SDE2: variants seen among roughly 807,000 people sequenced by gnomAD.
The protein encoded by SDE2 is spliceosome associated SDE2, also known as splicing regulator SDE2.
In SDE2, 31 loss-of-function variants were observed where a neutral mutation model predicts 46.9. That is an observed-to-expected ratio of 0.66 (90% CI 0.50 to 0.89). The LOEUF is 0.89. Ranked by LOEUF, SDE2 falls within the 40% of genes least tolerant of loss-of-function variation. The pLI, the probability that SDE2 is intolerant of heterozygous loss-of-function variation, is 0.00. For missense variants in SDE2, 542 were observed against 564.4 expected (o/e 0.96, Z 0.40); for synonymous variants, 205 against 204.3 (o/e 1.00, Z -0.03).
Position 225,991,260 on chromosome 1 carries a change from TC to T in SDE2, c.623del (p.Gly208GlufsTer13), listed in dbSNP as rs1176615426. The part of the protein sequence containing the change: ...KSQTDRGASA[G>X]KRRCFWLGME... ...ACACTTACCAGAAGCATCTCCTCTT[TC>T]CCGCACTGGCTCCTCTGTCTGTTTG... On this transcript the variant is annotated frameshift_variant, in exon 5 of 7. Transcript: ENST00000272091. LOFTEE classifies it high-confidence loss of function. The T allele has an allele frequency of 1.2e-6, 2 of 1,613,954 alleles. No individual in the cohort carries two copies. Among genetic ancestry groups the T allele is most frequent in the South Asian group, 1.1e-5 (1 of 91,080 alleles).
At chr1:225,998,316 A>T (rs1324628243) in intron 1 of SDE2, among the ~76,000 whole-genome samples, 2 of 152,252 alleles carry the variant, frequency 1.3e-5, no homozygotes, top group Non-Finnish European at 2.9e-5. Context: ...TTGCTTCTTC[A>T]CGGAATCGAT....
chr1:225,993,779 C>G (rs776524164), intron 2 of SDE2, among the ~76,000 whole-genome samples: 2 of 152,110 alleles, frequency 1.3e-5, no homozygotes, highest in African/African-American at 2.4e-5. Context: ...TTTATCCCCC[C>G]TAAGAGATGG....
chr1:225,989,325 TA>T (rs1656342113), intron 5 of SDE2, among the ~76,000 whole-genome samples: 3 of 144,404 alleles, frequency 2.1e-5, no homozygotes, highest in African/African-American at 7.7e-5. Context: ...ATAATAATAA[TA>T]AATAGTTATA....
chr1:225,986,104 G>A (rs772118344), intron 6 of SDE2, among the ~76,000 whole-genome samples: 36 of 152,166 alleles, frequency 2.4e-4, no homozygotes, highest in Non-Finnish European at 4.4e-4. Flanking sequence ...GGAGGCAGGC[G>A]GAACACTTGA....
Position 225,999,214 on chromosome 1 carries a change from G to A in SDE2, c.99C>T (p.Ile33=). 1 of 1,612,660 alleles carries A rather than the reference G, an allele frequency of 6.2e-7. No homozygotes were observed. The highest frequency in any genetic ancestry group is 1.3e-5 in the African/African-American group (1 of 74,988). Residue 33 remains isoleucine (I), a synonymous_variant, in exon 1 of 7, where the codon ATC becomes ATT. Coordinates refer to ENST00000272091, the MANE Select transcript of SDE2 (RefSeq NM_152608.4). ...ASGRCTVRDF[I]HRHCQDQNVP... ...TCACCTGATCTTGGCAGTGCCGGTG[G>A]ATAAAATCCCGGACGGTGCACCGAC...
chr1:225,989,282 C>G (rs1296976766), intron 5 of SDE2, among the ~76,000 whole-genome samples: 3 of 113,142 alleles, frequency 2.7e-5, no homozygotes, highest in African/African-American at 9.6e-5. Context: ...GGGGACAGAG[C>G]AAGACTGTCT....
At chr1:225,991,541 T>C (rs2102703872) in intron 4 of SDE2, among the ~76,000 whole-genome samples, 178 bp from the exon 5 acceptor site, 1 of 150,680 alleles carries the variant, frequency 6.6e-6, no homozygotes, top group Non-Finnish European at 1.5e-5. Context: ...ATAAACATTC[T>C]AGTCTAGGAG....
intron 4 of SDE2, 24 bp from the exon 5 acceptor site, chr1:225,991,387 A>G (rs752540431): frequency 6.2e-7 from 1 of 1,604,100 alleles, no homozygotes; most frequent in South Asian, 1.1e-5. Flanking sequence ...TTAACAACTC[A>G]GTTTCTACTA....
chr1:225,988,669 C>T (rs911971362), intron 5 of SDE2, among the ~76,000 whole-genome samples: 5 of 152,102 alleles, frequency 3.3e-5, no homozygotes, highest in East Asian at 1.9e-4. Flanking sequence ...GCAGAGGTTG[C>T]GGTGAGACGA....
Position 225,992,897 on chromosome 1 carries a change from T to G in SDE2, c.344A>C (p.Glu115Ala). The change falls in exon 3 of 7, where the codon GAA becomes GCA. Residue 115 changes from glutamate (E) to alanine (A), a missense_variant. Transcript: ENST00000272091. ...AAAAAGGTGGGCATCTTACGCTTTT[T>G]CATGATTGACATCGCGTAGTCTCCT... ...SGRRLRDVNHEKAMAEWVKQQ... is the reference protein window; with the variant it reads ...SGRRLRDVNHAKAMAEWVKQQ... The G allele has an allele frequency of 6.2e-7, 1 of 1,601,970 alleles. No individual in the cohort carries two copies. The highest frequency in any genetic ancestry group is 8.6e-7 in the Non-Finnish European group (1 of 1,169,160).
In SDE2 at chr1:225,999,319, G is replaced by T; in HGVS notation, c.-7C>A. ...GCGCCGCGGCCTCCGCCATGTCACCGACTACCCGAACCTCAAGCCTCTCTG... is the reference window on the plus strand; with the variant it reads ...GCGCCGCGGCCTCCGCCATGTCACCTACTACCCGAACCTCAAGCCTCTCTG... On this transcript the variant is annotated 5_prime_UTR_variant, in exon 1 of 7. Transcript: ENST00000272091. 6.2e-7 allele frequency: 1 copy of T among 1,610,420 alleles called. No individual in the cohort carries two copies. The highest frequency in any genetic ancestry group is 1.1e-5 in the South Asian group (1 of 90,654).
chr1:225,995,982 C>T (rs1302224583), intron 1 of SDE2, among the ~76,000 whole-genome samples: 3 of 152,154 alleles, frequency 2.0e-5, no homozygotes, highest in Non-Finnish European at 2.9e-5. Flanking sequence ...ATACTCTAAG[C>T]AGTCCTGTAA....
At chr1:225,993,089 G>T in intron 2 of SDE2, 87 bp from the exon 3 acceptor site, 13 of 554,672 alleles carry the variant, frequency 2.3e-5, no homozygotes, top group East Asian at 1.0e-4. Flanking sequence ...TGTATCACAA[G>T]ATTAACAATG....
At chr1:225,999,149 C>T (rs370780477) in intron 1 of SDE2, 44 bp downstream of exon 1, 19 of 1,544,098 alleles carry the variant, frequency 1.2e-5, no homozygotes, top group Non-Finnish European at 1.5e-5. Context: ...GCGCTGCCAC[C>T]TGTCTGCCTC....
chr1:225,986,150 G>A (rs1412506710), intron 6 of SDE2, among the ~76,000 whole-genome samples: 3 of 152,024 alleles, frequency 2.0e-5, no homozygotes, highest in African/African-American at 4.8e-5. Context: ...TCAACATGGT[G>A]AAACCCCGTC....
At chr1:225,992,335 A>G (rs1656420694) in intron 4 of SDE2, 63 bp downstream of exon 4, 1 of 1,212,602 alleles carries the variant, frequency 8.2e-7, no homozygotes, top group Non-Finnish European at 1.2e-6. Context: ...CGTAGTGTAG[A>G]GCAGTCTGAA....
chr1:225,990,498 T>C (rs1339664372), intron 5 of SDE2, among the ~76,000 whole-genome samples: 1 of 152,128 alleles, frequency 6.6e-6, no homozygotes, highest in Non-Finnish European at 1.5e-5. Context: ...TATACATTTT[T>C]CAAAAGTCGT....
At chr1:225,993,995 C>G (rs1341498573) in intron 2 of SDE2, among the ~76,000 whole-genome samples, 2 of 151,038 alleles carry the variant, frequency 1.3e-5, no homozygotes, top group Non-Finnish European at 2.9e-5. Context: ...TCTCAAACTC[C>G]TGGGTTCAAA....
intron 6 of SDE2, among the ~76,000 whole-genome samples, chr1:225,986,942 A>G (rs1424294054): frequency 6.6e-6 from 1 of 152,252 alleles, no homozygotes; most frequent in African/African-American, 2.4e-5. Flanking sequence ...CTATTCTAAA[A>G]AGCAAACCAT....
Sources: allele counts gnomAD v4.1 joint callset (sites outside exome capture counted in the v4.1 genomes callset), GRCh38; gene constraint gnomAD v4.1.1; transcripts MANE v1.5; gene names NCBI Gene and HGNC (gene_info 2026-07-23, HGNC 2026-07-21).